Variants in SSH2 observed in about 807,000 individuals in gnomAD.
SSH2 encodes slingshot protein phosphatase 2.
A neutral mutation model predicts 135.2 loss-of-function variants in SSH2; 37 were observed. The observed-to-expected ratio is 0.27, with a 90% CI of 0.21 to 0.36. The LOEUF (loss-of-function observed/expected upper bound fraction) is 0.36. Ranked by LOEUF, SSH2 falls within the 10% of genes least tolerant of loss-of-function variation. SSH2 has a pLI of 1.00. For missense variants in SSH2, 1,408 were observed against 1,765.3 expected (o/e 0.80, Z 3.63); for synonymous variants, 628 against 646.2 (o/e 0.97, Z 0.43).
At chr17:29,900,656 T>C (rs1210698642) in intron 1 of SSH2, among the ~76,000 whole-genome samples, 3 of 152,114 alleles carry the variant, frequency 2.0e-5, no homozygotes, top group Admixed American at 1.3e-4. Context: ...TGTGGAGAAA[T>C]AGGAACACTT....
At position 29,630,066 on chromosome 17, in the gene SSH2, C is replaced by T. The variant is rs2035605925; in HGVS notation, c.*775G>A. ...CCAAGATGCCCATCTGTGTGGATCC[C>T]ACCAACCCAGCAGTTTCTGGGCAGC... On this transcript the variant is annotated 3_prime_UTR_variant, in exon 16 of 16. Coordinates refer to ENST00000540801, the MANE Select transcript of SSH2 (RefSeq NM_001282129.2). 6.6e-6 allele frequency: 1 copy of T among 152,332 alleles called. No individual in the cohort carries two copies. Among genetic ancestry groups the T allele is most frequent in the South Asian group, 2.1e-4 (1 of 4,828 alleles). 9.4% of individuals were successfully genotyped at this position (152,332 alleles called of 1,614,324 possible).
intron 1 of SSH2, among the ~76,000 whole-genome samples, chr17:29,873,253 C>T (rs1237793269): frequency 6.6e-6 from 1 of 152,018 alleles, no homozygotes; most frequent in Non-Finnish European, 1.5e-5. Flanking sequence ...TTAAGATGTA[C>T]ATCTAGCTCA....
In SSH2 at chr17:29,632,238, C is replaced by T; in HGVS notation, c.2956G>A (p.Val986Met). 6.2e-7 allele frequency: 1 copy of T among 1,614,002 alleles called. No homozygotes were observed. The highest frequency in any genetic ancestry group is 8.5e-7 in the Non-Finnish European group (1 of 1,179,974). Reference sequence around the variant, plus strand: ...TCTGGCAAGTGGTCAAACTCCAGCACCCTGGGAGCTGGAACAGTGGCATTC... The same window carrying T: ...TCTGGCAAGTGGTCAAACTCCAGCATCCTGGGAGCTGGAACAGTGGCATTC... ...EQNATVPAPR[V>M]LEFDHLPDPQ... is the part of the protein sequence containing the mutation. Residue 986 changes from valine to methionine, a missense_variant, in exon 16 of 16, where the codon GTG becomes ATG. By Grantham distance (21) the Val-to-Met change is conservative. Around this residue, in one of 3 missense-constraint regions of SSH2, gnomAD observed 1,080 missense variants for 1,144.5 expected, o/e 0.94. Coordinates refer to ENST00000540801, the MANE Select transcript of SSH2 (RefSeq NM_001282129.2).
Position 29,632,828 on chromosome 17 carries a change from C to A in SSH2, c.2366G>T (p.Gly789Val). 1 of 1,614,112 alleles carries A rather than the reference C, an allele frequency of 6.2e-7. No homozygotes were observed. The highest frequency in any genetic ancestry group is 1.1e-5 in the South Asian group (1 of 91,084). ...TCCTTTCAGTTGAATCTGCCCAACT[C>A]CTTGACTGATGGACTCAATTTCAGT... is the stretch of plus-strand genomic sequence containing the variant. ...IVTEIESISQ[G>V]VGQIQLKGDI... is the part of the protein sequence containing the mutation. Residue 789 changes from glycine (G) to valine (V), a missense_variant, in exon 16 of 16, where the codon GGA becomes GTA. Gly to Val is a moderately radical substitution (Grantham distance 109, BLOSUM62 -3). Transcript: ENST00000540801.
intron 4 of SSH2, among the ~76,000 whole-genome samples, chr17:29,695,855 T>C (rs1018642967): frequency 6.6e-6 from 1 of 152,178 alleles, no homozygotes; most frequent in Non-Finnish European, 1.5e-5. Flanking sequence ...TAGCACCCAC[T>C]GGCTGTTTTT....
intron 2 of SSH2, among the ~76,000 whole-genome samples, chr17:29,802,315 C>T (rs768141372): frequency 2.6e-5 from 4 of 152,114 alleles, no homozygotes; most frequent in Non-Finnish European, 4.4e-5. Context: ...GTGGGGGAGA[C>T]AGTTCCATAA....
chr17:29,689,319 T>C (rs1240147320), intron 5 of SSH2, among the ~76,000 whole-genome samples: 3 of 152,218 alleles, frequency 2.0e-5, no homozygotes, highest in Non-Finnish European at 4.4e-5. Flanking sequence ...AATAATTTAT[T>C]AACACAATCA....
chr17:29,908,778 A>G (rs868679889), intron 1 of SSH2, among the ~76,000 whole-genome samples: 9 of 147,510 alleles, frequency 6.1e-5, no homozygotes, highest in Middle Eastern at 7.1e-3. Flanking sequence ...AAAAAAAAAA[A>G]AAAAAAAAAA....
chr17:29,879,390 T>TA (rs1211350499), intron 1 of SSH2, among the ~76,000 whole-genome samples: 1 of 143,708 alleles, frequency 7.0e-6, no homozygotes, highest in Non-Finnish European at 1.5e-5. Flanking sequence ...TTTTTTTTTT[T>TA]AATAAACTTT....
chr17:29,775,395 C>A (rs1449846626), intron 3 of SSH2, among the ~76,000 whole-genome samples: 1 of 151,274 alleles, frequency 6.6e-6, no homozygotes, highest in African/African-American at 2.4e-5. Flanking sequence ...CTCAAGTGAT[C>A]CTCTTGCCTT....
chr17:29,677,630 C>T, intron 7 of SSH2, 43 bp downstream of exon 7: 1 of 1,537,924 alleles, frequency 6.5e-7, no homozygotes, highest in Non-Finnish European at 9.0e-7. Context: ...TGGAGCCCCA[C>T]CCCTTGGCTT....
rs192312821 is a variant in SSH2 at position 29,849,435 on chromosome 17, C to T, written c.64-506G>A. The stretch of plus-strand genomic sequence containing the variant: ...CTGAGCTTGCAGTGAGCCGAGATCG[C>T]GCCACTGTACTCCAGCCTGGGCGAC... On this transcript the variant is annotated intron_variant, in intron 1 of 15. Transcript: ENST00000540801. 2.2e-3 allele frequency among the ~76,000 whole-genome samples: 314 copies of T among 144,838 alleles called. 1 individual carries two copies. The highest frequency in any genetic ancestry group is 7.7e-3 in the African/African-American group (298 of 38,738).
Position 29,632,056 on chromosome 17 carries a change from T to G in SSH2, c.3138A>C (p.Thr1046=), listed in dbSNP as rs1204036725. The G allele has an allele frequency of 6.2e-7, 1 of 1,614,092 alleles. No individual in the cohort carries two copies. Among genetic ancestry groups the G allele is most frequent in the Non-Finnish European group, 8.5e-7 (1 of 1,180,042 alleles). The change falls in exon 16 of 16, where the codon ACA becomes ACC. Residue 1046 remains threonine (T), a synonymous_variant. Coordinates refer to ENST00000540801, the MANE Select transcript of SSH2 (RefSeq NM_001282129.2). ...TCCCTGGCCCAGTGTGATTGGGTGA[T>G]GTAACTATGTGGGTATATTCAATGA... ...VEIIEYTHIV[T]SPNHTGPGSE...
In SSH2 at chr17:29,829,760, T is replaced by A. The variant is rs183577717; in HGVS notation, c.144+19089A>T. Among the ~76,000 whole-genome samples, 578 of 152,108 alleles carry A rather than the reference T, an allele frequency of 3.8e-3. 5 individuals carry two copies. Among genetic ancestry groups the A allele is most frequent in the African/African-American group, 0.013 (545 of 41,490 alleles). ...CATAGCAAAGACAGGCAAATATTTTTAAAAAATCTCAACCTGGTCACTCCC... is the reference window on the plus strand; with the variant it reads ...CATAGCAAAGACAGGCAAATATTTTAAAAAAATCTCAACCTGGTCACTCCC... On this transcript the variant is annotated intron_variant, in intron 2 of 15. Transcript: ENST00000540801.
At chr17:29,689,200 T>C (rs1481051433) in intron 5 of SSH2, among the ~76,000 whole-genome samples, 5 of 152,070 alleles carry the variant, frequency 3.3e-5, no homozygotes, top group African/African-American at 1.2e-4. Flanking sequence ...GATTCTAGGT[T>C]AAGGAATTAA....
At chr17:29,709,913 C>T (rs560749913) in intron 3 of SSH2, among the ~76,000 whole-genome samples, 16 of 152,258 alleles carry the variant, frequency 1.1e-4, no homozygotes, top group African/African-American at 2.9e-4. Context: ...AAAGAGCACT[C>T]GGCTTTAAAT....
chr17:29,686,691 CAG>C (rs1350553509), intron 5 of SSH2, among the ~76,000 whole-genome samples: 2 of 151,340 alleles, frequency 1.3e-5, no homozygotes, highest in Admixed American at 6.6e-5. Context: ...TTTTTTGAGA[CAG>C]AGTCTCCCTC....
intron 4 of SSH2, among the ~76,000 whole-genome samples, chr17:29,698,621 G>A (rs781513507): frequency 1.2e-4 from 18 of 151,934 alleles, no homozygotes; most frequent in Admixed American, 3.3e-4. Context: ...GGGTAGCCAG[G>A]ACTAACTACC....
intron 3 of SSH2, among the ~76,000 whole-genome samples, chr17:29,724,579 A>G (rs1353692397): frequency 1.6e-5 from 2 of 122,562 alleles, no homozygotes; most frequent in Non-Finnish European, 3.4e-5. Context: ...AGATTACCAA[A>G]TCTTTTTTTT....
Sources: allele counts gnomAD v4.1 joint callset (sites outside exome capture counted in the v4.1 genomes callset), GRCh38; gene constraint gnomAD v4.1.1; regional missense constraint gnomAD v4.1.1; transcripts MANE v1.5; gene names NCBI Gene and HGNC (gene_info 2026-07-23, HGNC 2026-07-21).